MAP3K21: variants seen among roughly 807,000 people sequenced by gnomAD.
The protein encoded by MAP3K21 is mitogen-activated protein kinase kinase kinase 21.
Under a neutral mutation model 86.1 loss-of-function variants are expected in MAP3K21, and 63 were observed. The observed-to-expected ratio is 0.73, with a 90% CI of 0.60 to 0.90. MAP3K21 has a LOEUF of 0.90. Among genes scored for constraint, MAP3K21 ranks in the 40% least tolerant of loss-of-function variants. MAP3K21 has a pLI of 0.00. For missense variants in MAP3K21, 1,220 were observed against 1,367.7 expected, an observed-to-expected ratio of 0.89 and a Z score of 1.70; for synonymous variants, 558 against 564.8, an observed-to-expected ratio of 0.99 and a Z score of 0.17.
At chr1:233,358,076 A>G (rs1202192714) in intron 4 of MAP3K21, among the ~76,000 whole-genome samples, 1 of 141,976 alleles carries the variant, frequency 7.0e-6, no homozygotes, top group Non-Finnish European at 1.5e-5. Flanking sequence ...TTTTTTTTAT[A>G]CTTTAAGTTC....
Position 233,328,333 on chromosome 1 carries a change from C to T in MAP3K21, c.305C>T (p.Pro102Leu), listed in dbSNP as rs778814962. The T allele has an allele frequency of 4.1e-6, 6 of 1,471,768 alleles. No individual in the cohort carries two copies. The highest frequency in any genetic ancestry group is 5.4e-6 in the Non-Finnish European group (6 of 1,120,068). 91.2% of individuals were successfully genotyped at this position (1,471,768 alleles called of 1,614,324 possible). A position where few individuals can be genotyped will look rare whatever the true frequency, so the allele number is the denominator to read the frequency against. ...FPANYVAPCR[P>L]AASPAPPPSR... ...GCCAACTACGTGGCTCCCTGCCGCC[C>T]GGCCGCCAGCCCCGCGCCGCCGCCC... The change falls in exon 1 of 10, where the codon CCG becomes CTG. Residue 102 changes from proline (P) to leucine (L), a missense_variant. Coordinates refer to ENST00000366624, the MANE Select transcript of MAP3K21 (RefSeq NM_032435.3). The surrounding 1 kb of genome is among the most constrained non-coding windows in gnomAD (Gnocchi z 8.7).
At chr1:233,376,199 G>T in intron 7 of MAP3K21, 133 bp downstream of exon 7, 3 of 811,688 alleles carry the variant, frequency 3.7e-6, no homozygotes, top group Non-Finnish European at 5.8e-6. Context: ...CAATTTTCTA[G>T]GATGAATTTA....
chr1:233,371,912 G>A (rs930984476), intron 5 of MAP3K21, 126 bp from the exon 6 acceptor site: 11 of 861,530 alleles, frequency 1.3e-5, no homozygotes, highest in South Asian at 2.6e-5. Flanking sequence ...ATAAGAAATC[G>A]ATCCTGCAAT....
At position 233,382,304 on chromosome 1, in the gene MAP3K21, G is replaced by A; in HGVS notation, c.2705-1G>A. On this transcript the variant is annotated splice_acceptor_variant, in intron 9 of 9. Coordinates refer to ENST00000366624, the MANE Select transcript of MAP3K21 (RefSeq NM_032435.3). LOFTEE classifies it high-confidence loss of function. ...CATACTGTTTTGGCTTTCTCAACCA[G>A]CTGGTGCAACTATTATCTCAGCCAC... 2 of 1,606,044 alleles carry A rather than the reference G, an allele frequency of 1.2e-6. No individual in the cohort carries two copies. Among genetic ancestry groups the A allele is most frequent in the East Asian group, 2.2e-5 (1 of 44,646 alleles).
chr1:233,342,757 A>C (rs374956819), intron 1 of MAP3K21, among the ~76,000 whole-genome samples: 1 of 152,148 alleles, frequency 6.6e-6, no homozygotes, highest in African/African-American at 2.4e-5. Flanking sequence ...AGGTTATTTC[A>C]AATGGAAGTG....
At chr1:233,366,014 A>T (rs1663567092) in intron 5 of MAP3K21, among the ~76,000 whole-genome samples, 1 of 152,254 alleles carries the variant, frequency 6.6e-6, no homozygotes, top group Non-Finnish European at 1.5e-5. Context: ...TCAGCCATAA[A>T]AAAGAATAAA....
intron 1 of MAP3K21, among the ~76,000 whole-genome samples, chr1:233,340,240 G>T (rs1470350683): frequency 6.6e-6 from 1 of 152,206 alleles, no homozygotes; most frequent in Non-Finnish European, 1.5e-5. Context: ...CAGTGGACTT[G>T]TAAGTGGCTT....
chr1:233,358,903 G>C (rs545816136), intron 4 of MAP3K21, among the ~76,000 whole-genome samples: 1 of 152,142 alleles, frequency 6.6e-6, no homozygotes, highest in East Asian at 1.9e-4. Flanking sequence ...TCCACCTCCC[G>C]AGTTCAAGTG....
chr1:233,328,688 C>CCCGCGCGCGCCCGGCCCCCG lies in MAP3K21; in HGVS notation c.672_691dup (p.Arg231ProfsTer21). On this transcript the variant is annotated frameshift_variant, in exon 1 of 10. Transcript: ENST00000366624. LOFTEE classifies it high-confidence loss of function. The surrounding 1 kb of genome is among the most constrained non-coding windows in gnomAD (Gnocchi z 8.7). ...TGGCCGCTGCCAACGCCGCCCCGGA[C>CCCGCGCGCGCCCGGCCCCCG]CCGCGCGCGCCCGGCCCCCGCCGCG... is the stretch of plus-strand genomic sequence containing the variant. 2 of 1,355,250 alleles carry CCCGCGCGCGCCCGGCCCCCG rather than the reference C, an allele frequency of 1.5e-6. No homozygotes were observed. The highest frequency in any genetic ancestry group is 1.5e-5 in the African/African-American group (1 of 65,284). The allele number at this position is 1,355,250 out of a possible 1,614,324, so 84.0% of individuals were successfully genotyped here.
chr1:233,349,529 A>T (rs1194476325), intron 2 of MAP3K21, among the ~76,000 whole-genome samples: 2 of 152,232 alleles, frequency 1.3e-5, no homozygotes, highest in Non-Finnish European at 2.9e-5. Flanking sequence ...AAAAAGGAAA[A>T]GAAAGTTGCT....
intron 8 of MAP3K21, among the ~76,000 whole-genome samples, chr1:233,378,547 A>G (rs1440988747): frequency 1.3e-5 from 2 of 152,240 alleles, no homozygotes; most frequent in Non-Finnish European, 2.9e-5. Context: ...AGCCTGATGC[A>G]TGTATTTAGG....
intron 5 of MAP3K21, among the ~76,000 whole-genome samples, chr1:233,367,309 G>A (rs759649503): frequency 3.0e-4 from 45 of 152,196 alleles, no homozygotes; most frequent in Non-Finnish European, 5.0e-4. Context: ...GCAAATGGAA[G>A]CCTCCCACTG....
intron 1 of MAP3K21, among the ~76,000 whole-genome samples, chr1:233,336,212 T>C (rs748549226): frequency 3.3e-5 from 5 of 152,182 alleles, no homozygotes; most frequent in Non-Finnish European, 7.3e-5. Flanking sequence ...AATCTTGGAA[T>C]ATATAGAACT....
At chr1:233,376,778 C>G (rs1321523174) in intron 8 of MAP3K21, among the ~76,000 whole-genome samples, 1 of 152,160 alleles carries the variant, frequency 6.6e-6, no homozygotes, top group Non-Finnish European at 1.5e-5. Flanking sequence ...ATTATTATCA[C>G]AATTAATTAT....
intron 2 of MAP3K21, among the ~76,000 whole-genome samples, chr1:233,348,521 C>T (rs1332302920): frequency 6.6e-6 from 1 of 152,114 alleles, no homozygotes; most frequent in Non-Finnish European, 1.5e-5. Context: ...AGTGAGATTG[C>T]TTGGCCATAT....
intron 6 of MAP3K21, among the ~76,000 whole-genome samples, chr1:233,375,589 T>C (rs1225408302): frequency 2.6e-5 from 4 of 152,198 alleles, no homozygotes; most frequent in Admixed American, 2.6e-4. Flanking sequence ...AGTTACATGT[T>C]TAGTTTGGTG....
chr1:233,336,538 C>CAAATAAATAAATAAAT (rs35056283), intron 1 of MAP3K21, among the ~76,000 whole-genome samples: 3 of 147,204 alleles, frequency 2.0e-5, no homozygotes, highest in African/African-American at 2.5e-5. Context: ...CAGATGCCGT[C>CAAATAAATAAATAAAT]AAATAAATAA....
In MAP3K21 at chr1:233,379,191, C is replaced by G. The variant is rs549958993; in HGVS notation, c.2185C>G (p.Leu729Val). ...TESALYGCTV[L>V]LASVALGLDL... ...GTCAGCTCTGTATGGGTGCACCGTCCTTCTGGCATCGGTGGCTCTGGGACT... is the reference window on the plus strand; with the variant it reads ...GTCAGCTCTGTATGGGTGCACCGTCGTTCTGGCATCGGTGGCTCTGGGACT... The change falls in exon 9 of 10, where the codon CTT becomes GTT. Residue 729 changes from leucine to valine, a missense_variant. Transcript: ENST00000366624. 2 of 1,614,196 alleles carry G rather than the reference C, an allele frequency of 1.2e-6. No homozygotes were observed. The highest frequency in any genetic ancestry group is 1.7e-6 in the Non-Finnish European group (2 of 1,180,032).
At chr1:233,334,090 C>A (rs1662867126) in intron 1 of MAP3K21, among the ~76,000 whole-genome samples, 1 of 151,758 alleles carries the variant, frequency 6.6e-6, no homozygotes, top group Non-Finnish European at 1.5e-5. Flanking sequence ...TGGTCTTGAT[C>A]TCCTGACCTC....
Sources: gnomAD v4.1 joint callset for allele counts (sites outside exome capture counted in the v4.1 genomes callset) on GRCh38, gnomAD v4.1.1 for gene constraint, Gnocchi (gnomAD v3.1) non-coding constraint, MANE v1.5 for transcripts, NCBI Gene and HGNC (gene_info 2026-07-23, HGNC 2026-07-21) for gene names.